ZNF578: variants seen among roughly 807,000 people sequenced by gnomAD.
ZNF578 encodes zinc finger protein 578, also known as Putative chemokine-related protein B42.
ZNF578 carries 8 observed loss-of-function variants against 8.3 expected under a neutral mutation model. The ratio of observed to expected loss-of-function variants is 0.96; its 90% CI spans 0.56 to 1.74. The LOEUF (loss-of-function observed/expected upper bound fraction) is 1.74. Among genes scored for constraint, ZNF578 ranks in the 40% most tolerant of loss-of-function variants. The pLI is 0.00. For synonymous variants in ZNF578, 206 were observed against 232.2 expected, an observed-to-expected ratio of 0.89 and a Z score of 1.03; for missense variants, 726 against 707.5, an observed-to-expected ratio of 1.03 and a Z score of -0.30.
chr19:52,461,252 AT>A (rs1443478544), intron 2 of ZNF578, among the ~76,000 whole-genome samples: 5 of 152,138 alleles, frequency 3.3e-5, no homozygotes, highest in Admixed American at 2.6e-4. Context: ...GTGAATGGGG[AT>A]TTACGCAGAA....
At position 52,511,048 on chromosome 19, in the gene ZNF578, GA is replaced by G; in HGVS notation, c.669del (p.Val224TyrfsTer3). On this transcript the variant is annotated frameshift_variant, in exon 6 of 6. Coordinates refer to ENST00000421239, the MANE Select transcript of ZNF578 (RefSeq NM_001099694.2). LOFTEE classifies it low-confidence loss of function (END_TRUNC). ...TTCATCATTACTCACACAAAAACAG[GA>G]AGTACACATGAGAGAAAAATCTTTC... is the stretch of plus-strand genomic sequence containing the variant. ...FHSSLLTQKQ[E>X]VHMREKSFQC... is the part of the protein sequence containing the mutation. The G allele has an allele frequency of 6.2e-7, 1 of 1,614,150 alleles. No individual in the cohort carries two copies. The highest frequency in any genetic ancestry group is 1.6e-4 in the Middle Eastern group (1 of 6,062).
intron 3 of ZNF578, among the ~76,000 whole-genome samples, chr19:52,494,162 G>A (rs962531641): frequency 2.0e-5 from 3 of 151,650 alleles, no homozygotes; most frequent in African/African-American, 7.3e-5. Flanking sequence ...AATGAGAGAT[G>A]TGTAAAGAAT....
chr19:52,465,689 C>T (rs1234433335), intron 2 of ZNF578, among the ~76,000 whole-genome samples: 2 of 152,176 alleles, frequency 1.3e-5, no homozygotes, highest in African/African-American at 4.8e-5. Flanking sequence ...TAAGATTTTC[C>T]TTATCAACTT....
chr19:52,491,942 C>G (rs960114803), intron 3 of ZNF578, among the ~76,000 whole-genome samples: 3 of 151,636 alleles, frequency 2.0e-5, no homozygotes, highest in Non-Finnish European at 4.4e-5. Context: ...GGGCGGATCA[C>G]GAAGTCAGGA....
intron 2 of ZNF578, among the ~76,000 whole-genome samples, chr19:52,485,166 C>A (rs1340513079): frequency 6.6e-6 from 1 of 152,012 alleles, no homozygotes; most frequent in Non-Finnish European, 1.5e-5. Context: ...GCCCAACCCT[C>A]ACACCACCTC....
At chr19:52,501,417 G>A (rs1327739925) in intron 3 of ZNF578, among the ~76,000 whole-genome samples, 1 of 152,188 alleles carries the variant, frequency 6.6e-6, no homozygotes, top group Non-Finnish European at 1.5e-5. Flanking sequence ...CTGCAGTGGC[G>A]CAGGTGCTTG....
At chr19:52,510,035 G>T (rs1378587379) in intron 5 of ZNF578, among the ~76,000 whole-genome samples, 1 of 151,940 alleles carries the variant, frequency 6.6e-6, no homozygotes, top group African/African-American at 2.4e-5. Context: ...GCACGGGCCA[G>T]CACACCTGGC....
Position 52,511,916 on chromosome 19 carries a change from A to T in ZNF578, c.1535A>T (p.Lys512Met), listed in dbSNP as rs752002939. 2 of 1,613,888 alleles carry T rather than the reference A, an allele frequency of 1.2e-6. No individual in the cohort carries two copies. The highest frequency in any genetic ancestry group is 8.5e-7 in the Non-Finnish European group (1 of 1,179,972). ...CTTCATAGTGGTGAGAAACCTTACA[A>T]GTGTAATGAATGTGGGAAGACTTTT... Reference protein sequence around the residue: ...RRLHSGEKPYKCNECGKTFNV... With the variant: ...RRLHSGEKPYMCNECGKTFNV... The change falls in exon 6 of 6, where the codon AAG (lysine) becomes ATG (methionine). Residue 512 changes from lysine to methionine, a missense_variant. Physicochemically the swap from Lys to Met is moderately conservative, Grantham distance 95 (BLOSUM62 -1). Transcript: ENST00000421239.
chr19:52,489,312 A>G (rs1321805241), intron 2 of ZNF578, among the ~76,000 whole-genome samples: 1 of 152,090 alleles, frequency 6.6e-6, no homozygotes, highest in African/African-American at 2.4e-5. Context: ...AGTCCTGGCC[A>G]TGTGCTGTGG....
In ZNF578 at chr19:52,516,570, G is replaced by A. The variant is rs1327049754; in HGVS notation, c.*4416G>A. Among the ~76,000 whole-genome samples, 2 of 152,220 alleles carry A rather than the reference G, an allele frequency of 1.3e-5. No individual in the cohort carries two copies. The highest frequency in any genetic ancestry group is 6.5e-5 in the Admixed American group (1 of 15,284). On this transcript the variant is annotated 3_prime_UTR_variant, in exon 6 of 6. Transcript: ENST00000421239. ...ATCCAGATGGCCTGAAGCAACTGAAGATCCACGAAAGAAGTGAAAATACCC... is the reference window on the plus strand; with the variant it reads ...ATCCAGATGGCCTGAAGCAACTGAAAATCCACGAAAGAAGTGAAAATACCC...
intron 5 of ZNF578, among the ~76,000 whole-genome samples, chr19:52,505,078 G>A (rs1191825137): frequency 3.9e-5 from 6 of 152,126 alleles, no homozygotes; most frequent in African/African-American, 1.4e-4. Flanking sequence ...GTAGAGATGG[G>A]GTTTCTCCAT....
Position 52,515,312 on chromosome 19 carries a change from G to T in ZNF578, c.*3158G>T. ...AATTTGCTTATTTCTTAGTTCTACA[G>T]CTGACCCTCTTTCACTGTTTCCAAG... On this transcript the variant is annotated 3_prime_UTR_variant, in exon 6 of 6. Transcript: ENST00000421239. 6.6e-6 allele frequency among the ~76,000 whole-genome samples: 1 copy of T among 152,130 alleles called. No individual in the cohort carries two copies. The highest frequency in any genetic ancestry group is 1.5e-5 in the Non-Finnish European group (1 of 68,012).
At chr19:52,459,405 C>T (rs905309304) in intron 2 of ZNF578, among the ~76,000 whole-genome samples, 4 of 151,902 alleles carry the variant, frequency 2.6e-5, no homozygotes, top group East Asian at 1.9e-4. Context: ...AAGGTTCATC[C>T]GTGTTGTAGC....
intron 2 of ZNF578, among the ~76,000 whole-genome samples, chr19:52,481,764 T>C (rs557493757): frequency 6.6e-6 from 1 of 152,300 alleles, no homozygotes; most frequent in South Asian, 2.1e-4. Context: ...ACAGGCCTGC[T>C]CTATCTCCCA....
rs535971816 is a variant in ZNF578, at chr19:52,504,150, G to A, written c.64-505G>A. Among the ~76,000 whole-genome samples, 8 of 149,680 alleles carry A rather than the reference G, an allele frequency of 5.3e-5. No individual in the cohort carries two copies. The East Asian group carries it at 1.7e-3, about 31-fold the overall frequency. On this transcript the variant is annotated intron_variant, in intron 4 of 5. Transcript: ENST00000421239. The stretch of plus-strand genomic sequence containing the variant: ...CTGTTGCCCAGGATGGAGGGCAGTG[G>A]TGCGATCTTGGCTCACTGCGGCCTC...
intron 2 of ZNF578, among the ~76,000 whole-genome samples, chr19:52,480,157 C>T (rs192990829): frequency 1.3e-3 from 200 of 152,284 alleles, no homozygotes; most frequent in Admixed American, 7.9e-3. Flanking sequence ...CCACCTGCTT[C>T]GGCCTACCAA....
At chr19:52,457,590 C>T (rs1346677482) in intron 2 of ZNF578, 1 of 92,368 alleles carries the variant, frequency 1.1e-5, no homozygotes, top group African/African-American at 3.6e-5. Context: ...GAGACTGAGC[C>T]ATCAACTCGT....
rs187503417 is a variant in ZNF578 at position 52,479,639 on chromosome 19, T to C, written c.-121-11685T>C. On this transcript the variant is annotated intron_variant, in intron 2 of 5. Transcript: ENST00000421239. Reference sequence around the variant, plus strand: ...AGATTCCATTATGGTTTTGACATTTTGGGAAACCAGTTTTACCATTGTGTC... The same window carrying C: ...AGATTCCATTATGGTTTTGACATTTCGGGAAACCAGTTTTACCATTGTGTC... Among the ~76,000 whole-genome samples the C allele has an allele frequency of 1.1e-3, 162 of 152,236 alleles. 2 individuals carry two copies. In the South Asian group the frequency reaches 0.018, roughly 17 times the overall value.
chr19:52,497,713 G>C (rs2059391920), intron 3 of ZNF578, among the ~76,000 whole-genome samples: 1 of 152,118 alleles, frequency 6.6e-6, no homozygotes, highest in Non-Finnish European at 1.5e-5. Flanking sequence ...ATGATGTTAG[G>C]TTGTTTCAGT....
Sources: allele counts gnomAD v4.1 joint callset (sites outside exome capture counted in the v4.1 genomes callset), GRCh38; gene constraint gnomAD v4.1.1; transcripts MANE v1.5; gene names NCBI Gene and HGNC (gene_info 2026-07-23, HGNC 2026-07-21).